Variants in GBE1 observed in about 807,000 individuals in gnomAD.
The protein encoded by GBE1 is 1,4-alpha-glucan-branching enzyme.
A neutral mutation model predicts 88.8 loss-of-function variants in GBE1; 70 were observed. The ratio of observed to expected loss-of-function variants is 0.79; its 90% CI spans 0.65 to 0.96. GBE1 has a LOEUF of 0.96. GBE1 is among the 40% of genes least tolerant of loss of function. The pLI, the probability that GBE1 is intolerant of heterozygous loss-of-function variation, is 0.00. For synonymous variants in GBE1, 284 were observed against 300.1 expected, an observed-to-expected ratio of 0.95 and a Z score of 0.56; for missense variants, 872 against 871.0, an observed-to-expected ratio of 1.00 and a Z score of -0.01.
chr3:81,523,853 T>C (rs1331223891), intron 14 of GBE1, among the ~76,000 whole-genome samples: 1 of 151,818 alleles, frequency 6.6e-6, no homozygotes, highest in African/African-American at 2.4e-5. Context: ...GGCTGAATAG[T>C]ATTCCGTTGT....
intron 3 of GBE1, among the ~76,000 whole-genome samples, chr3:81,660,034 T>G (rs1705001293): frequency 7.6e-6 from 1 of 132,216 alleles, no homozygotes. Context: ...GAACTGGAAA[T>G]AGATATGTAT....
intron 7 of GBE1, among the ~76,000 whole-genome samples, chr3:81,595,180 G>A: frequency 6.6e-6 from 1 of 150,672 alleles, no homozygotes; most frequent in East Asian, 1.9e-4. Flanking sequence ...ATAAAAGGGA[G>A]ACAGGAGGTT....
intron 7 of GBE1, among the ~76,000 whole-genome samples, chr3:81,635,496 T>C (rs1704579809): frequency 6.6e-6 from 1 of 152,194 alleles, no homozygotes; most frequent in South Asian, 2.1e-4. Context: ...GAGTTATTTA[T>C]CTGCAGCATA....
chr3:81,542,213 T>C (rs1703152589), intron 12 of GBE1, among the ~76,000 whole-genome samples: 1 of 152,096 alleles, frequency 6.6e-6, no homozygotes, highest in Non-Finnish European at 1.5e-5. Flanking sequence ...TAGGTATGCA[T>C]CTCCATGATG....
intron 12 of GBE1, among the ~76,000 whole-genome samples, chr3:81,553,655 C>A (rs1576146373): frequency 9.8e-5 from 12 of 122,500 alleles, no homozygotes; most frequent in South Asian, 2.6e-4. Context: ...TGTTTCTTTA[C>A]AGATGCAAAA....
intron 1 of GBE1, among the ~76,000 whole-genome samples, chr3:81,737,489 T>C (rs1258702874): frequency 2.0e-5 from 3 of 147,308 alleles, no homozygotes; most frequent in Non-Finnish European, 3.0e-5. Context: ...AAAGCAATAC[T>C]ACTCAAATGT....
intron 2 of GBE1, among the ~76,000 whole-genome samples, chr3:81,686,287 C>CT (rs1164380871): frequency 6.6e-6 from 1 of 152,028 alleles, no homozygotes; most frequent in Non-Finnish European, 1.5e-5. Context: ...ACAGCATCTA[C>CT]TACAACATCT....
intron 1 of GBE1, among the ~76,000 whole-genome samples, chr3:81,753,379 T>A (rs752383654): frequency 4.6e-5 from 7 of 152,170 alleles, no homozygotes; most frequent in Non-Finnish European, 8.8e-5. Flanking sequence ...GTAGTAGCAA[T>A]TTTCTCCAAA....
At chr3:81,653,113 T>C (rs1704874455) in intron 3 of GBE1, among the ~76,000 whole-genome samples, 1 of 152,112 alleles carries the variant, frequency 6.6e-6, no homozygotes, top group South Asian at 2.1e-4. Context: ...AGTGTGAGTA[T>C]AAAGCAGTAT....
intron 14 of GBE1, among the ~76,000 whole-genome samples, chr3:81,499,828 C>T (rs535806728): frequency 3.9e-5 from 6 of 152,220 alleles, no homozygotes; most frequent in African/African-American, 1.2e-4. Flanking sequence ...TAGCATATTA[C>T]AGCAAAATTA....
chr3:81,670,253 C>T (rs993855724), intron 3 of GBE1, among the ~76,000 whole-genome samples: 1 of 152,122 alleles, frequency 6.6e-6, no homozygotes, highest in Non-Finnish European at 1.5e-5. Context: ...ACATGGTCAA[C>T]GAAAGCAGAG....
chr3:81,729,441 C>T (rs772565032), intron 1 of GBE1, among the ~76,000 whole-genome samples: 1 of 152,126 alleles, frequency 6.6e-6, no homozygotes, highest in Non-Finnish European at 1.5e-5. Flanking sequence ...ATGAGCAGAA[C>T]TAGGTTGTAC....
At chr3:81,750,698 T>TATATGTA (rs1553696684) in intron 1 of GBE1, among the ~76,000 whole-genome samples, 1 of 50,776 alleles carries the variant, frequency 2.0e-5, no homozygotes, top group African/African-American at 9.9e-5. Context: ...TATATATGTA[T>TATATGTA]TTTTTTTTTT....
chr3:81,579,391 A>T (rs1303742548), intron 11 of GBE1, among the ~76,000 whole-genome samples: 1 of 152,144 alleles, frequency 6.6e-6, no homozygotes, highest in East Asian at 1.9e-4. Context: ...AATATATAAG[A>T]TAGGATTGCC....
chr3:81,640,001 A>G (rs1704647516), intron 7 of GBE1, among the ~76,000 whole-genome samples: 1 of 152,248 alleles, frequency 6.6e-6, no homozygotes, highest in East Asian at 1.9e-4. Flanking sequence ...TTTTTGGCTT[A>G]CTAAGCAGCA....
At chr3:81,729,885 C>T (rs1706162357) in intron 1 of GBE1, among the ~76,000 whole-genome samples, 2 of 152,024 alleles carry the variant, frequency 1.3e-5, no homozygotes, top group Admixed American at 6.6e-5. Flanking sequence ...GCAGGATGCC[C>T]CCATAAACCT....
intron 7 of GBE1, among the ~76,000 whole-genome samples, chr3:81,616,781 G>T (rs1001415100): frequency 6.6e-6 from 1 of 152,056 alleles, no homozygotes; most frequent in African/African-American, 2.4e-5. Flanking sequence ...TTGATTTGGA[G>T]AAAAATGACA....
At chr3:81,650,934 C>T (rs1293874677) in intron 3 of GBE1, among the ~76,000 whole-genome samples, 4 of 152,136 alleles carry the variant, frequency 2.6e-5, no homozygotes. Flanking sequence ...TCTCAGCCTC[C>T]CAGAGTGCTG....
intron 14 of GBE1, among the ~76,000 whole-genome samples, chr3:81,501,686 CTTTTTTTTTTT>C (rs35149061): frequency 2.4e-4 from 17 of 71,990 alleles, no homozygotes; most frequent in Middle Eastern, 0.011. Context: ...CTTAGGGGCA[CTTTTTTTTTTT>C]TTTTTTTTTT....
Sources: allele counts gnomAD v4.1 joint callset (sites outside exome capture counted in the v4.1 genomes callset), GRCh38; gene constraint gnomAD v4.1.1; transcripts MANE v1.5; gene names NCBI Gene and HGNC (gene_info 2026-07-23, HGNC 2026-07-21).